DYNC2I1: variants seen among roughly 807,000 people sequenced by gnomAD.
DYNC2I1 encodes the protein cytoplasmic dynein 2 intermediate chain 1.
DYNC2I1 carries 89 observed loss-of-function variants against 133.4 expected under a neutral mutation model. The observed-to-expected ratio is 0.67, with a 90% CI of 0.56 to 0.80. DYNC2I1 has a LOEUF of 0.80. Among genes scored for constraint, DYNC2I1 ranks in the 30% least tolerant of loss-of-function variants. The pLI, the probability that DYNC2I1 is intolerant of heterozygous loss-of-function variation, is 0.00. For synonymous variants in DYNC2I1, 504 were observed against 484.3 expected (o/e 1.04, Z -0.54); for missense variants, 1,291 against 1,314.5 (o/e 0.98, Z 0.28).
Position 158,934,533 on chromosome 7 carries a change from G to T in DYNC2I1, c.2762G>T (p.Gly921Val). The T allele has an allele frequency of 3.2e-6, 5 of 1,553,812 alleles. No homozygotes were observed. Among genetic ancestry groups the T allele is most frequent in the Non-Finnish European group, 4.4e-6 (5 of 1,148,100 alleles). The change falls in exon 23 of 25, where the codon GGA becomes GTA. Residue 921 changes from glycine to valine, a missense_variant. Coordinates refer to ENST00000407559, the MANE Select transcript of DYNC2I1 (RefSeq NM_018051.5). ...KVNVIDFSPF[G>V]EPIFLAGCSD... ...AATGTCATTGATTTTTCACCATTTG[G>T]AGAACCAATATTTTTGGTAAGAAAG...
At chr7:158,931,192 A>G (rs917891217) in intron 21 of DYNC2I1, among the ~76,000 whole-genome samples, 12 of 152,250 alleles carry the variant, frequency 7.9e-5, no homozygotes, top group Admixed American at 7.2e-4. Flanking sequence ...ATATAACTTA[A>G]TATGACATAA....
chr7:158,899,596 A>T (rs1373816088), intron 8 of DYNC2I1, among the ~76,000 whole-genome samples: 1 of 151,986 alleles, frequency 6.6e-6, no homozygotes, highest in Non-Finnish European at 1.5e-5. Flanking sequence ...CAGAATTCCC[A>T]CATGTTGTGG....
intron 7 of DYNC2I1, among the ~76,000 whole-genome samples, chr7:158,890,575 C>T (rs1329152995): frequency 6.6e-6 from 1 of 152,042 alleles, no homozygotes; most frequent in Non-Finnish European, 1.5e-5. Context: ...GTTTTAGACA[C>T]TGCCTAGTTT....
intron 23 of DYNC2I1, among the ~76,000 whole-genome samples, chr7:158,941,574 T>A (rs1474271887): frequency 6.6e-6 from 1 of 152,012 alleles, no homozygotes; most frequent in Non-Finnish European, 1.5e-5. Flanking sequence ...GCTGCTGAGA[T>A]CAAGTTACGA....
chr7:158,922,276 T>G, intron 15 of DYNC2I1, 101 bp from the exon 16 acceptor site: 2 of 1,234,864 alleles, frequency 1.6e-6, no homozygotes, highest in South Asian at 3.0e-5. Context: ...CGTTTGTTTC[T>G]TCATGAAGCT....
At chr7:158,954,439 G>T (rs551699136) in intron 4 of DYNC2I1, among the ~76,000 whole-genome samples, 1 of 152,190 alleles carries the variant, frequency 6.6e-6, no homozygotes. Flanking sequence ...GAGTCTAGGA[G>T]CTCAAGACCA....
chr7:158,866,925 C>T (rs1842458333), intron 1 of DYNC2I1, among the ~76,000 whole-genome samples: 1 of 150,948 alleles, frequency 6.6e-6, no homozygotes, highest in Non-Finnish European at 1.5e-5. Flanking sequence ...TGAGGTATTA[C>T]AGCTTTTTTT....
chr7:158,842,455 C>T, the DYNC2I1 span, among the ~76,000 whole-genome samples: 14 of 152,332 alleles, frequency 9.2e-5, no homozygotes, highest in African/African-American at 2.6e-4. Flanking sequence ...AGCCTCAGTC[C>T]GTCCACCTGC....
chr7:158,871,483 C>A lies in DYNC2I1; in HGVS notation c.411C>A (p.Thr137=). ...RRARKEELRQ[T]VAHHNLLGQE... ...CCCGGAAGGAAGAGCTCCGGCAGACCGTGGCCCACCACAACCTGCTGGGCC... is the reference window on the plus strand; with the variant it reads ...CCCGGAAGGAAGAGCTCCGGCAGACAGTGGCCCACCACAACCTGCTGGGCC... The change falls in exon 3 of 25, where the codon ACC becomes ACA. Residue 137 remains threonine, a synonymous_variant. Transcript: ENST00000407559. 1.3e-6 allele frequency: 2 copies of A among 1,548,228 alleles called. No homozygotes were observed. The highest frequency in any genetic ancestry group is 1.4e-5 in the African/African-American group (1 of 73,146).
At chr7:158,848,244 G>C in the DYNC2I1 span, among the ~76,000 whole-genome samples, 1 of 152,302 alleles carries the variant, frequency 6.6e-6, no homozygotes, top group East Asian at 1.9e-4. Flanking sequence ...ATGCTGAGTG[G>C]AGCACCCCAG....
At chr7:158,904,304 C>T (rs1846540195) in intron 10 of DYNC2I1, 1 of 152,262 alleles carries the variant, frequency 6.6e-6, no homozygotes, top group Non-Finnish European at 1.5e-5. Flanking sequence ...GAGTGCTAAG[C>T]ACCGGTTTGT....
chr7:158,920,866 C>A (rs1290392892), intron 15 of DYNC2I1, among the ~76,000 whole-genome samples: 1 of 152,190 alleles, frequency 6.6e-6, no homozygotes, highest in Non-Finnish European at 1.5e-5. Context: ...CTAGGGTCCA[C>A]CCAGTACCCT....
At chr7:158,932,249 C>T (rs1008001296) in intron 21 of DYNC2I1, among the ~76,000 whole-genome samples, 9 of 152,092 alleles carry the variant, frequency 5.9e-5, no homozygotes, top group African/African-American at 2.2e-4. Context: ...AGGATGTGCA[C>T]AAGGCTTGTG....
At chr7:158,909,855 G>A (rs1367657212) in intron 11 of DYNC2I1, among the ~76,000 whole-genome samples, 1 of 152,166 alleles carries the variant, frequency 6.6e-6, no homozygotes, top group African/African-American at 2.4e-5. Context: ...GCCTTCCGGT[G>A]GGAGAATTTC....
rs1563144109 is a variant in DYNC2I1 at position 158,906,094 on chromosome 7, A to C, written c.1460+3A>C. ...CGGACTCAGGCCCTTAAGCAAAAGT[A>C]GGTGTATTGGGAAAGCAGCCAAAGG... On this transcript the variant is annotated splice_donor_region_variant and intron_variant, in intron 11 of 24. Coordinates refer to ENST00000407559, the MANE Select transcript of DYNC2I1 (RefSeq NM_018051.5). 6.2e-7 allele frequency: 1 copy of C among 1,612,614 alleles called. No homozygotes were observed. Among genetic ancestry groups the C allele is most frequent in the East Asian group, 2.2e-5 (1 of 44,878 alleles).
At chr7:158,871,093 G>A in intron 2 of DYNC2I1, 49 bp from the exon 3 acceptor site, 1 of 1,556,336 alleles carries the variant, frequency 6.4e-7, no homozygotes, top group Non-Finnish European at 8.7e-7. Context: ...AAAGTCTAAT[G>A]GAAATCTGCC....
At chr7:158,898,043 G>A (rs1422511177) in intron 8 of DYNC2I1, among the ~76,000 whole-genome samples, 2 of 152,134 alleles carry the variant, frequency 1.3e-5, no homozygotes, top group African/African-American at 4.8e-5. Context: ...TATATTGTGG[G>A]ATTTTCCAGT....
intron 23 of DYNC2I1, 139 bp from the exon 24 acceptor site, chr7:158,941,786 G>A (rs1851394471): frequency 1.1e-6 from 1 of 895,696 alleles, no homozygotes; most frequent in Admixed American, 2.2e-5. Context: ...GCCGAGGCAG[G>A]AGGATTGATT....
chr7:158,875,758 G>T (rs1266607018), intron 3 of DYNC2I1, among the ~76,000 whole-genome samples: 1 of 152,168 alleles, frequency 6.6e-6, no homozygotes, highest in Non-Finnish European at 1.5e-5. Context: ...CAGGAGGTTT[G>T]GGGGCTGCTC....
Sources: gnomAD v4.1 joint callset for allele counts (sites outside exome capture counted in the v4.1 genomes callset) on GRCh38, gnomAD v4.1.1 for gene constraint, MANE v1.5 for transcripts, NCBI Gene and HGNC (gene_info 2026-07-23, HGNC 2026-07-21) for gene names.